Variants in MAOA observed in about 807,000 individuals in gnomAD.
The protein encoded by MAOA is monoamine oxidase A.
MAOA carries 6 observed loss-of-function variants against 42.0 expected under a neutral mutation model. The ratio of observed to expected loss-of-function variants is 0.14; its 90% CI spans 0.08 to 0.28. The LOEUF is 0.28. Among genes scored for constraint, MAOA ranks in the 10% least tolerant of loss-of-function variants. The pLI is 1.00. For synonymous variants in MAOA, 140 were observed against 154.0 expected, an observed-to-expected ratio of 0.91 and a Z score of 0.67; for missense variants, 262 against 422.3, an observed-to-expected ratio of 0.62 and a Z score of 3.33.
chrX:43,708,243 C>T (rs141055192), intron 3 of MAOA, among the ~76,000 whole-genome samples: 1,138 of 111,444 alleles, frequency 0.01, 17 homozygotes, highest in African/African-American at 0.035. Flanking sequence ...GACCATTACA[C>T]TAGATTTTTC....
chrX:43,662,967 C>T, intron 1 of MAOA, among the ~76,000 whole-genome samples: 1 of 111,510 alleles, frequency 9.0e-6, no homozygotes, highest in Non-Finnish European at 1.9e-5. Context: ...TATTTTCCTT[C>T]AAACAATCTA....
chrX:43,735,913 C>G (rs1274646261), intron 9 of MAOA, among the ~76,000 whole-genome samples: 2 of 112,938 alleles, frequency 1.8e-5, no homozygotes, highest in African/African-American at 6.4e-5. Context: ...CAGTCATTAC[C>G]AGAATAATCA....
chrX:43,674,901 T>C (rs1199295863), intron 1 of MAOA, among the ~76,000 whole-genome samples: 2 of 110,513 alleles, frequency 1.8e-5, no homozygotes, highest in Non-Finnish European at 3.8e-5. Flanking sequence ...ATTTCAACTT[T>C]GGTGAATCTG....
chrX:43,671,787 G>T (rs2033338544), intron 1 of MAOA, among the ~76,000 whole-genome samples: 2 of 100,187 alleles, frequency 2.0e-5, no homozygotes, highest in South Asian at 1.0e-3. Context: ...GCTCTGTTCT[G>T]TTCCATTGAT....
At chrX:43,685,230 G>A (rs954650799) in intron 2 of MAOA, among the ~76,000 whole-genome samples, 14 of 111,407 alleles carry the variant, frequency 1.3e-4, no homozygotes, top group African/African-American at 3.3e-4. Context: ...GTAACAAGAT[G>A]GATGCTGAGA....
chrX:43,724,788 C>T (rs778364566), intron 5 of MAOA, among the ~76,000 whole-genome samples: 1 of 111,617 alleles, frequency 9.0e-6, no homozygotes, highest in East Asian at 2.8e-4. Context: ...TTAGATCTTC[C>T]CTGCTTTCTC....
At chrX:43,693,074 A>C (rs2033549182) in intron 2 of MAOA, among the ~76,000 whole-genome samples, 1 of 112,408 alleles carries the variant, frequency 8.9e-6, no homozygotes, top group Middle Eastern at 4.6e-3. Flanking sequence ...CTTACCAATA[A>C]CTTTACCAAA....
chrX:43,731,583 G>T, intron 7 of MAOA, 111 bp from the exon 8 acceptor site: 1 of 925,864 alleles, frequency 1.1e-6, no homozygotes, highest in Non-Finnish European at 1.5e-6. Flanking sequence ...TTCTCATTTT[G>T]TATGTTTTTA....
intron 5 of MAOA, among the ~76,000 whole-genome samples, chrX:43,713,391 C>A (rs2147094851): frequency 9.0e-6 from 1 of 111,367 alleles, no homozygotes. Context: ...GTCTTAATAC[C>A]TAGGTGATGG....
At chrX:43,684,064 A>T in intron 2 of MAOA, among the ~76,000 whole-genome samples, 1 of 111,307 alleles carries the variant, frequency 9.0e-6, no homozygotes, top group Non-Finnish European at 1.9e-5. Flanking sequence ...CAGACAAAAA[A>T]AGAAATGTGG....
chrX:43,668,675 G>T (rs1006667188), intron 1 of MAOA, among the ~76,000 whole-genome samples: 2 of 111,831 alleles, frequency 1.8e-5, no homozygotes, highest in Non-Finnish European at 3.8e-5. Context: ...TAGACCATAT[G>T]CTCTTATTTC....
At chrX:43,726,722 G>A (rs1160742849) in intron 5 of MAOA, among the ~76,000 whole-genome samples, 1 of 111,920 alleles carries the variant, frequency 8.9e-6, no homozygotes, top group East Asian at 2.8e-4. Context: ...CCGTGCTGGC[G>A]AGGAGTTGTG....
intron 6 of MAOA, among the ~76,000 whole-genome samples, chrX:43,729,318 G>A (rs1413871657): frequency 1.8e-5 from 2 of 112,278 alleles, no homozygotes; most frequent in African/African-American, 6.5e-5. Flanking sequence ...TTTGATATTT[G>A]TTTCCTTCAT....
At chrX:43,655,975 C>T (rs929585140), upstream of MAOA, 3 of 236,857 alleles carry the variant, frequency 1.3e-5, no homozygotes, top group Non-Finnish European at 1.6e-5. Flanking sequence ...CGTCTACCCC[C>T]ACCTCAGTGC....
intron 1 of MAOA, among the ~76,000 whole-genome samples, chrX:43,664,132 C>T (rs898911392): frequency 8.9e-6 from 1 of 111,965 alleles, no homozygotes; most frequent in African/African-American, 3.2e-5. Flanking sequence ...TAGACAGTTA[C>T]TAGTAATGAA....
chrX:43,726,235 G>A (rs977465566), intron 5 of MAOA, among the ~76,000 whole-genome samples: 12 of 111,567 alleles, frequency 1.1e-4, no homozygotes, highest in Non-Finnish European at 2.1e-4. Context: ...CTAGGTTAGG[G>A]AAATTCTCCT....
intron 1 of MAOA, among the ~76,000 whole-genome samples, chrX:43,670,710 T>C (rs1396538758): frequency 2.8e-5 from 3 of 105,539 alleles, no homozygotes; most frequent in Non-Finnish European, 3.9e-5. Context: ...TGGTTTTTTG[T>C]CCTTGCGATA....
intron 8 of MAOA, among the ~76,000 whole-genome samples, chrX:43,732,464 T>A (rs1359812044): frequency 4.5e-5 from 5 of 111,333 alleles, no homozygotes; most frequent in African/African-American, 1.6e-4. Flanking sequence ...ATGCATTGGC[T>A]GGTCATAAGC....
intron 1 of MAOA, among the ~76,000 whole-genome samples, chrX:43,668,881 A>G (rs1293534854): frequency 1.8e-5 from 2 of 112,102 alleles, no homozygotes; most frequent in Non-Finnish European, 3.8e-5. Context: ...TTGAGATTTC[A>G]TTACATTTGT....
Sources: gnomAD v4.1 joint callset for allele counts (sites outside exome capture counted in the v4.1 genomes callset) on GRCh38, gnomAD v4.1.1 for gene constraint, MANE v1.5 for transcripts, NCBI Gene and HGNC (gene_info 2026-07-23, HGNC 2026-07-21) for gene names.